The following TCERG1L variants were observed in gnomAD, a reference collection of about 807,000 sequenced individuals.
TCERG1L encodes transcription elongation regulator 1 like.
TCERG1L carries 37 observed loss-of-function variants against 56.3 expected under a neutral mutation model. The ratio of observed to expected loss-of-function variants is 0.66; its 90% CI spans 0.51 to 0.87. The LOEUF is 0.87. TCERG1L is among the 40% of genes least tolerant of loss of function. The pLI is 0.00. For synonymous variants in TCERG1L, 324 were observed against 326.3 expected, an observed-to-expected ratio of 0.99 and a Z score of 0.08; for missense variants, 799 against 774.2, an observed-to-expected ratio of 1.03 and a Z score of -0.38.
chr10:131,213,149 A>G (rs1845634446), intron 4 of TCERG1L, among the ~76,000 whole-genome samples: 1 of 152,204 alleles, frequency 6.6e-6, no homozygotes, highest in Non-Finnish European at 1.5e-5. Context: ...CAGCCCCCAG[A>G]GGCTATGTGG....
chr10:131,233,480 GCA>G (rs1845876003), intron 4 of TCERG1L, among the ~76,000 whole-genome samples: 1 of 150,252 alleles, frequency 6.7e-6, no homozygotes, highest in Admixed American at 6.7e-5. Context: ...ACACAGACAC[GCA>G]CACACGCTCA....
At chr10:131,150,012 G>A (rs576905660) in intron 6 of TCERG1L, among the ~76,000 whole-genome samples, 3 of 152,352 alleles carry the variant, frequency 2.0e-5, no homozygotes, top group Non-Finnish European at 2.9e-5. Flanking sequence ...TGCTTGGGAT[G>A]TTTTTTCATG....
intron 4 of TCERG1L, among the ~76,000 whole-genome samples, chr10:131,204,967 TCTGGTCTAAGGCCCCTGTCC>T (rs1227934369): frequency 6.6e-6 from 1 of 152,090 alleles, no homozygotes; most frequent in Non-Finnish European, 1.5e-5. Context: ...TGCAGCTGGA[TCTGGTCTAAGGCCCCTGTCC>T]CTGGACCTGT....
intron 4 of TCERG1L, among the ~76,000 whole-genome samples, chr10:131,191,864 C>CAAAAAAAAAAAAAAAAA (rs59816491): frequency 4.9e-4 from 14 of 28,712 alleles, no homozygotes; most frequent in East Asian, 2.9e-3. Flanking sequence ...GACTCCGTCT[C>CAAAAAAAAAAAAAAAAA]AAAAAAAAAA....
chr10:131,201,739 T>C (rs1845438100), intron 4 of TCERG1L, among the ~76,000 whole-genome samples: 1 of 152,224 alleles, frequency 6.6e-6, no homozygotes, highest in Non-Finnish European at 1.5e-5. Context: ...CTGCATTCTG[T>C]GGGATGTCCT....
intron 3 of TCERG1L, among the ~76,000 whole-genome samples, chr10:131,284,322 A>C (rs1846496570): frequency 6.6e-6 from 1 of 152,116 alleles, no homozygotes; most frequent in South Asian, 2.1e-4. Context: ...TAGGATATAA[A>C]ACTACAATGA....
At chr10:131,290,429 C>G (rs1016136433) in intron 3 of TCERG1L, among the ~76,000 whole-genome samples, 2 of 152,060 alleles carry the variant, frequency 1.3e-5, no homozygotes, top group South Asian at 2.1e-4. Flanking sequence ...GCTGGGAATT[C>G]GAGACCAGCC....
At chr10:131,222,017 T>A (rs186556439) in intron 4 of TCERG1L, among the ~76,000 whole-genome samples, 1 of 152,308 alleles carries the variant, frequency 6.6e-6, no homozygotes, top group Non-Finnish European at 1.5e-5. Flanking sequence ...CCAGGGAGCA[T>A]GAAAACACAC....
rs554168410 is a variant in TCERG1L, at chr10:131,278,201, C to T, written c.671-17757G>A. Among the ~76,000 whole-genome samples the T allele has an allele frequency of 5.2e-4, 79 of 152,196 alleles. 1 individual carries two copies. Among genetic ancestry groups the T allele is most frequent in the African/African-American group, 1.8e-3 (76 of 41,538 alleles). On this transcript the variant is annotated intron_variant, in intron 3 of 11. Coordinates refer to ENST00000368642, the MANE Select transcript of TCERG1L (RefSeq NM_174937.4). ...CAGAGCCACGTGACCCCGGCCGAGTCGCATCCTCTCCTGGATCCTGCTCGG... is the reference window on the plus strand; with the variant it reads ...CAGAGCCACGTGACCCCGGCCGAGTTGCATCCTCTCCTGGATCCTGCTCGG...
intron 4 of TCERG1L, among the ~76,000 whole-genome samples, chr10:131,179,632 C>T (rs1415584520): frequency 6.6e-6 from 1 of 152,170 alleles, no homozygotes; most frequent in East Asian, 1.9e-4. Flanking sequence ...GGAGGGCTGG[C>T]GGGGAGGGGC....
chr10:131,253,113 T>C lies in TCERG1L; in HGVS notation c.856+7146A>G, dbSNP rs116205906. 4.0e-3 allele frequency among the ~76,000 whole-genome samples: 612 copies of C among 152,358 alleles called. 1 individual carries two copies. Among genetic ancestry groups the C allele is most frequent in the African/African-American group, 0.014 (572 of 41,590 alleles). ...TCCAGCCTCTCATGGGCTCTTGGCC[T>C]GTGCCTGCCAGGCGGACCCAGCTGA... is the stretch of plus-strand genomic sequence containing the variant. On this transcript the variant is annotated intron_variant, in intron 4 of 11. Transcript: ENST00000368642.
chr10:131,223,167 A>G (rs1172845112), intron 4 of TCERG1L, among the ~76,000 whole-genome samples: 2 of 152,208 alleles, frequency 1.3e-5, no homozygotes, highest in African/African-American at 4.8e-5. Context: ...TCGCGCCAGG[A>G]GACCAGGAGA....
At position 131,288,193 on chromosome 10, in the gene TCERG1L, T is replaced by C. The variant is rs182350529; in HGVS notation, c.670+20018A>G. Among the ~76,000 whole-genome samples, 18 of 152,222 alleles carry C rather than the reference T, an allele frequency of 1.2e-4. No individual in the cohort carries two copies. In the East Asian group the frequency reaches 2.3e-3, roughly 20 times the overall value. On this transcript the variant is annotated intron_variant, in intron 3 of 11. Coordinates refer to ENST00000368642, the MANE Select transcript of TCERG1L (RefSeq NM_174937.4). ...ATGGTAAAATCAGTCTGTTCTTACATAACACAAAAGAAGTGTTTCTCCCCC... is the reference window on the plus strand; with the variant it reads ...ATGGTAAAATCAGTCTGTTCTTACACAACACAAAAGAAGTGTTTCTCCCCC...
Position 131,144,745 on chromosome 10 carries a change from T to C in TCERG1L, c.1189+1761A>G, listed in dbSNP as rs556161493. Among the ~76,000 whole-genome samples the C allele has an allele frequency of 2.6e-5, 4 of 152,346 alleles. No homozygotes were observed. In the South Asian group the frequency reaches 6.2e-4, roughly 24 times the overall value. On this transcript the variant is annotated intron_variant, in intron 7 of 11. Coordinates refer to ENST00000368642, the MANE Select transcript of TCERG1L (RefSeq NM_174937.4). ...GGGTATCAGACAAAATACCATATCA[T>C]GCTAAATCTAAACTAATCAGGTATT...
At position 131,266,685 on chromosome 10, in the gene TCERG1L, A is replaced by G. The variant is rs540721800; in HGVS notation, c.671-6241T>C. On this transcript the variant is annotated intron_variant, in intron 3 of 11. Transcript: ENST00000368642. ...TCCTCTCTGCAGGCAGGTCATCCTG[A>G]TGAGTGTTCAGCTCTCAGCAGAGAG... Among the ~76,000 whole-genome samples, 8 of 152,188 alleles carry G rather than the reference A, an allele frequency of 5.3e-5. No individual in the cohort carries two copies. In the South Asian group the frequency reaches 6.2e-4, roughly 12 times the overall value.
chr10:131,282,137 G>GAAAAAAAAAAAAAAAA (rs543405432), intron 3 of TCERG1L, among the ~76,000 whole-genome samples: 1 of 92,544 alleles, frequency 1.1e-5, no homozygotes. Context: ...CTCCATCTCA[G>GAAAAAAAAAAAAAAAA]AAAAAAAAAA....
At chr10:131,153,812 A>G (rs1157735658) in intron 6 of TCERG1L, among the ~76,000 whole-genome samples, 2 of 152,162 alleles carry the variant, frequency 1.3e-5, no homozygotes, top group Non-Finnish European at 2.9e-5. Context: ...AAGAGATTAC[A>G]CCCAGGAGGA....
chr10:131,238,023 C>G (rs1438309439), intron 4 of TCERG1L, among the ~76,000 whole-genome samples: 1 of 152,188 alleles, frequency 6.6e-6, no homozygotes, highest in Non-Finnish European at 1.5e-5. Context: ...GCCGTCTTTT[C>G]AACAAAATAC....
chr10:131,210,879 T>C (rs555947520), intron 4 of TCERG1L, among the ~76,000 whole-genome samples: 40 of 152,348 alleles, frequency 2.6e-4, no homozygotes, highest in South Asian at 8.3e-4. Context: ...CAGGGAGGCA[T>C]GGCAAGCCAC....
Sources: gnomAD v4.1 joint callset for allele counts (sites outside exome capture counted in the v4.1 genomes callset) on GRCh38, gnomAD v4.1.1 for gene constraint, MANE v1.5 for transcripts, NCBI Gene and HGNC (gene_info 2026-07-23, HGNC 2026-07-21) for gene names.